The following COX7B2 variants were observed in gnomAD, a reference collection of about 807,000 sequenced individuals.
COX7B2 encodes the protein cytochrome c oxidase subunit 7B2, mitochondrial.
For missense variants in COX7B2, 109 were observed against 95.9 expected (o/e 1.14, Z -0.57); for synonymous variants, 37 against 32.1 (o/e 1.15, Z -0.51).
At chr4:46,820,180 T>C (rs1017749039) in intron 2 of COX7B2, among the ~76,000 whole-genome samples, 1 of 152,226 alleles carries the variant, frequency 6.6e-6, no homozygotes, top group Non-Finnish European at 1.5e-5. Context: ...GTGGAAGCCC[T>C]GAGCTTCTTT....
intron 1 of COX7B2, among the ~76,000 whole-genome samples, chr4:46,858,423 T>C (rs1717135370): frequency 6.6e-6 from 1 of 152,152 alleles, no homozygotes; most frequent in South Asian, 2.1e-4. Flanking sequence ...GACATATTGG[T>C]ACACTAATGC....
At chr4:46,762,246 T>C (rs1716204864) in intron 2 of COX7B2, among the ~76,000 whole-genome samples, 1 of 141,976 alleles carries the variant, frequency 7.0e-6, no homozygotes, top group Non-Finnish European at 1.5e-5. Flanking sequence ...AAATATATTA[T>C]ATATTTAATA....
intron 1 of COX7B2, among the ~76,000 whole-genome samples, chr4:46,851,227 T>C (rs550232017): frequency 1.3e-5 from 2 of 152,128 alleles, no homozygotes; most frequent in African/African-American, 4.8e-5. Flanking sequence ...AAGTATTATT[T>C]GAGAGGAACC....
At chr4:46,842,706 C>T (rs1716016176) in intron 2 of COX7B2, among the ~76,000 whole-genome samples, 1 of 152,058 alleles carries the variant, frequency 6.6e-6, no homozygotes, top group South Asian at 2.1e-4. Context: ...CCAGTTTCAT[C>T]CATGTCCCTA....
chr4:46,775,167 A>T (rs1717087072), intron 2 of COX7B2, among the ~76,000 whole-genome samples: 1 of 152,110 alleles, frequency 6.6e-6, no homozygotes, highest in Non-Finnish European at 1.5e-5. Flanking sequence ...TCTTTAAGAT[A>T]ATGACTAAGA....
chr4:46,752,822 A>C (rs946197888), intron 2 of COX7B2, among the ~76,000 whole-genome samples: 1 of 152,136 alleles, frequency 6.6e-6, no homozygotes, highest in Non-Finnish European at 1.5e-5. Context: ...TTGGTTTGTC[A>C]GTATTTTATT....
chr4:46,786,241 A>G (rs551450409), intron 2 of COX7B2, among the ~76,000 whole-genome samples: 34 of 152,328 alleles, frequency 2.2e-4, no homozygotes, highest in African/African-American at 8.2e-4. Flanking sequence ...TTTTGCACCT[A>G]AAATATATTA....
intron 1 of COX7B2, among the ~76,000 whole-genome samples, chr4:46,851,153 TTTTG>T (rs1716652899): frequency 6.6e-6 from 1 of 151,740 alleles, no homozygotes; most frequent in African/African-American, 2.4e-5. Flanking sequence ...AGAGGACTGG[TTTTG>T]CAGTTAGATA....
chr4:46,813,098 C>A (rs1719370064), intron 2 of COX7B2, among the ~76,000 whole-genome samples: 1 of 152,148 alleles, frequency 6.6e-6, no homozygotes, highest in African/African-American at 2.4e-5. Flanking sequence ...GGGAAGAATG[C>A]ACCACCAACT....
intron 2 of COX7B2, among the ~76,000 whole-genome samples, chr4:46,747,302 A>G (rs1212306919): frequency 6.6e-6 from 1 of 150,456 alleles, no homozygotes; most frequent in Non-Finnish European, 1.5e-5. Context: ...ATTTTATTTT[A>G]TTTTATTTTA....
At position 46,811,000 on chromosome 4, in the gene COX7B2, C is replaced by T. The variant is rs556903849; in HGVS notation, c.-50+33960G>A. 2.8e-4 allele frequency among the ~76,000 whole-genome samples: 43 copies of T among 152,238 alleles called. 1 individual carries two copies. The highest frequency in any genetic ancestry group is 8.9e-4 in the African/African-American group (37 of 41,560). ...TCTCTCCTAAACTGCAAGATTTGTC[C>T]TTAGAAATCTGCTGATAGTCTAATA... On this transcript the variant is annotated intron_variant, in intron 2 of 2. Transcript: ENST00000355591.
intron 1 of COX7B2, among the ~76,000 whole-genome samples, chr4:46,859,241 C>G (rs1047992126): frequency 6.6e-6 from 1 of 152,174 alleles, no homozygotes; most frequent in Non-Finnish European, 1.5e-5. Flanking sequence ...CAAGCTACCT[C>G]TTTTCCCTTT....
At chr4:46,782,042 C>T (rs13115253) in intron 2 of COX7B2, among the ~76,000 whole-genome samples, 1,947 of 152,278 alleles carry the variant, frequency 0.013, 20 homozygotes, top group Middle Eastern at 0.041. Context: ...CTGAGGAGTA[C>T]GGGCACGTGG....
At chr4:46,867,447 A>G (rs1717733527) in intron 1 of COX7B2, among the ~76,000 whole-genome samples, 1 of 152,240 alleles carries the variant, frequency 6.6e-6, no homozygotes, top group Non-Finnish European at 1.5e-5. Context: ...GCTTATCAGC[A>G]TAGGACACCC....
intron 1 of COX7B2, among the ~76,000 whole-genome samples, chr4:46,866,449 C>T (rs561186561): frequency 3.9e-5 from 6 of 152,214 alleles, no homozygotes; most frequent in African/African-American, 1.4e-4. Flanking sequence ...GAGTAGTTTT[C>T]TTTTGTATAT....
At chr4:46,747,112 C>T (rs1329959599) in intron 2 of COX7B2, among the ~76,000 whole-genome samples, 1 of 152,046 alleles carries the variant, frequency 6.6e-6, no homozygotes, top group East Asian at 1.9e-4. Context: ...CAAGTAAACT[C>T]GTGTCATGGG....
At chr4:46,791,232 A>G (rs1718030473) in intron 2 of COX7B2, among the ~76,000 whole-genome samples, 1 of 150,058 alleles carries the variant, frequency 6.7e-6, no homozygotes, top group Admixed American at 6.6e-5. Context: ...GATGGTCTCC[A>G]TCTCCTGACC....
chr4:46,761,159 T>C (rs549813915), intron 2 of COX7B2, among the ~76,000 whole-genome samples: 90 of 152,236 alleles, frequency 5.9e-4, no homozygotes, highest in African/African-American at 2.0e-3. Flanking sequence ...CTATCTCAAT[T>C]AGAGCATTTT....
intron 1 of COX7B2, among the ~76,000 whole-genome samples, chr4:46,887,973 C>A (rs1719184690): frequency 6.6e-6 from 1 of 152,122 alleles, no homozygotes; most frequent in Non-Finnish European, 1.5e-5. Flanking sequence ...CTGCCAACCC[C>A]TACTGAAGGT....
Sources: allele counts gnomAD v4.1 joint callset (sites outside exome capture counted in the v4.1 genomes callset), GRCh38; gene constraint gnomAD v4.1.1; transcripts MANE v1.5; gene names NCBI Gene and HGNC (gene_info 2026-07-23, HGNC 2026-07-21).